The following SLC1A4 variants were observed in gnomAD, a reference collection of about 807,000 sequenced individuals.
The protein encoded by SLC1A4 is neutral amino acid transporter A.
Under a neutral mutation model 37.7 loss-of-function variants are expected in SLC1A4, and 19 were observed. The observed-to-expected ratio is 0.50, with a 90% CI of 0.35 to 0.74. The LOEUF (loss-of-function observed/expected upper bound fraction) is 0.74. SLC1A4 is among the 30% of genes least tolerant of loss of function. SLC1A4 has a pLI of 0.01. For missense variants in SLC1A4, 570 were observed against 712.9 expected (o/e 0.80, Z 2.28); for synonymous variants, 299 against 309.8 (o/e 0.97, Z 0.37).
chr2:64,990,462 G>T (rs926343469), intron 1 of SLC1A4, among the ~76,000 whole-genome samples: 1 of 152,138 alleles, frequency 6.6e-6, no homozygotes, highest in South Asian at 2.1e-4. Context: ...CAGCCGCCCC[G>T]CCTGTTCTTT....
intron 3 of SLC1A4, among the ~76,000 whole-genome samples, chr2:65,005,932 G>A (rs559595157): frequency 7.9e-5 from 12 of 152,198 alleles, no homozygotes; most frequent in Admixed American, 3.9e-4. Context: ...GACCCTGGGA[G>A]GTCAATGCTG....
intron 1 of SLC1A4, among the ~76,000 whole-genome samples, chr2:64,990,433 G>A (rs573739708): frequency 6.6e-6 from 1 of 152,272 alleles, no homozygotes; most frequent in South Asian, 2.1e-4. Context: ...CGTTAGGTGG[G>A]CGTTTGTTAG....
intron 1 of SLC1A4, among the ~76,000 whole-genome samples, chr2:64,995,610 G>T (rs1027680996): frequency 2.0e-5 from 3 of 152,142 alleles, no homozygotes; most frequent in African/African-American, 7.2e-5. Context: ...CCTTGTAGGG[G>T]GTACCAAGAT....
intron 4 of SLC1A4, among the ~76,000 whole-genome samples, chr2:65,012,415 C>G (rs1291426828): frequency 1.3e-5 from 2 of 152,200 alleles, no homozygotes; most frequent in Non-Finnish European, 2.9e-5. Context: ...ACTAGTTTCT[C>G]CTTCCATGCA....
intron 3 of SLC1A4, among the ~76,000 whole-genome samples, chr2:65,008,457 G>A (rs536296706): frequency 1.1e-4 from 16 of 152,116 alleles, no homozygotes; most frequent in Non-Finnish European, 1.9e-4. Flanking sequence ...GGGCAATTTA[G>A]GGAGATCCCA....
chr2:65,016,633 C>T lies in SLC1A4; in HGVS notation c.994C>T (p.Leu332Phe), dbSNP rs895387121. 2.5e-6 allele frequency: 4 copies of T among 1,614,064 alleles called. No individual in the cohort carries two copies. In the Admixed American group the frequency reaches 5.0e-5, roughly 20 times the overall value. ...AAACCCATTCAGATTCCTCCTGGGC[C>T]TCCTCGCCCCATTTGCGACAGCATT... ...RKNPFRFLLG[L>F]LAPFATAFAT... is the part of the protein sequence containing the mutation. Residue 332 changes from leucine to phenylalanine, a missense_variant, in exon 5 of 8, where the codon CTC becomes TTC. Leu to Phe is a conservative substitution (Grantham distance 22). Transcript: ENST00000234256.
rs528681253 is a variant in SLC1A4, at chr2:65,018,457, C to T, written c.1230-88C>T. ...CTATGGTGGGGCGGTTTTTAGTTTC[C>T]AGCCACATTGCAGCTGCATGGTCTG... On this transcript the variant is annotated intron_variant, in intron 6 of 7. Coordinates refer to ENST00000234256, the MANE Select transcript of SLC1A4 (RefSeq NM_003038.5). This position sits in a 1 kb window ranked among gnomAD's most constrained non-coding sequence, Gnocchi z 4.3. 297 of 1,554,182 alleles carry T rather than the reference C, an allele frequency of 1.9e-4. No individual in the cohort carries two copies. The highest frequency in any genetic ancestry group is 1.6e-3 in the Admixed American group (84 of 54,092).
intron 4 of SLC1A4, among the ~76,000 whole-genome samples, chr2:65,016,127 T>G (rs1674118074): frequency 6.6e-6 from 1 of 152,226 alleles, no homozygotes; most frequent in South Asian, 2.1e-4. Context: ...TCGATTTCCT[T>G]GCCTTTCCTC....
rs188909471 is a variant in SLC1A4 at position 64,993,210 on chromosome 2, G to A, written c.527+3040G>A. Among the ~76,000 whole-genome samples, 283 of 152,324 alleles carry A rather than the reference G, an allele frequency of 1.9e-3. 1 individual carries two copies. The highest frequency in any genetic ancestry group is 3.1e-3 in the South Asian group (15 of 4,826). ...AGGCCTCTGATGAGTCAGCATAGCT[G>A]CTGCTGAGGCTTTGTGCTAAAGTCC... is the stretch of plus-strand genomic sequence containing the variant. On this transcript the variant is annotated intron_variant, in intron 1 of 7. Coordinates refer to ENST00000234256, the MANE Select transcript of SLC1A4 (RefSeq NM_003038.5).
chr2:65,001,408 T>G, intron 1 of SLC1A4, 40 bp from the exon 2 acceptor site: 1 of 1,602,918 alleles, frequency 6.2e-7, no homozygotes, highest in Non-Finnish European at 8.5e-7. Flanking sequence ...TAAAAAATTG[T>G]TTTAAAAGAA....
intron 4 of SLC1A4, among the ~76,000 whole-genome samples, chr2:65,012,149 G>C (rs1673947621): frequency 6.7e-6 from 1 of 148,326 alleles, no homozygotes; most frequent in Non-Finnish European, 1.5e-5. Context: ...GAGTGCAGTG[G>C]TGCAATCTCG....
intron 1 of SLC1A4, chr2:64,999,315 CTA>C (rs1171960458): frequency 2.0e-5 from 3 of 152,150 alleles, no homozygotes; most frequent in Non-Finnish European, 1.5e-5. Flanking sequence ...TCTAAATATG[CTA>C]AAAGCAACTC....
intron 7 of SLC1A4, among the ~76,000 whole-genome samples, chr2:65,019,901 A>G (rs2103683142): frequency 6.6e-6 from 1 of 152,300 alleles, no homozygotes; most frequent in East Asian, 1.9e-4. Flanking sequence ...CAGCCACCCC[A>G]TCCCCTCTGA....
At position 64,989,631 on chromosome 2, in the gene SLC1A4, G is replaced by A; in HGVS notation, c.-13G>A. 1.3e-6 allele frequency: 2 copies of A among 1,490,880 alleles called. No homozygotes were observed. Among genetic ancestry groups the A allele is most frequent in the Non-Finnish European group, 8.9e-7 (1 of 1,127,718 alleles). The allele number at this position is 1,490,880 out of a possible 1,614,324, so 92.4% of individuals were successfully genotyped here. On this transcript the variant is annotated 5_prime_UTR_variant, in exon 1 of 8. Transcript: ENST00000234256. ...TCCCCTGCCACCTCTAGCTCGGAGC[G>A]GCGTGTAGCGCCATGGAGAAGAGCA...
At chr2:65,016,387 C>A in intron 4 of SLC1A4, 53 bp from the exon 5 acceptor site, 1 of 1,411,588 alleles carries the variant, frequency 7.1e-7, no homozygotes. Context: ...GGACCTGCAT[C>A]TCTCACCCCA....
chr2:64,992,872 A>G (rs1673110374), intron 1 of SLC1A4, among the ~76,000 whole-genome samples: 1 of 152,210 alleles, frequency 6.6e-6, no homozygotes, highest in African/African-American at 2.4e-5. Context: ...GAAGGAAAGT[A>G]TGTGTGCACC....
intron 4 of SLC1A4, among the ~76,000 whole-genome samples, chr2:65,011,917 G>A (rs914703044): frequency 2.8e-5 from 4 of 144,312 alleles, no homozygotes; most frequent in South Asian, 2.3e-4. Context: ...TACAGGCACC[G>A]GCCACCATGC....
chr2:64,996,518 C>T (rs1673258545), intron 1 of SLC1A4, among the ~76,000 whole-genome samples: 1 of 152,198 alleles, frequency 6.6e-6, no homozygotes, highest in Non-Finnish European at 1.5e-5. Flanking sequence ...ACCATTTGGT[C>T]CTCCTGACTT....
intron 3 of SLC1A4, among the ~76,000 whole-genome samples, chr2:65,005,000 G>A (rs893272624): frequency 5.3e-5 from 8 of 152,170 alleles, no homozygotes; most frequent in African/African-American, 1.7e-4. Context: ...TTCTAAAATG[G>A]CAAATAACAC....
Sources: allele counts gnomAD v4.1 joint callset (sites outside exome capture counted in the v4.1 genomes callset), GRCh38; gene constraint gnomAD v4.1.1; non-coding constraint Gnocchi (gnomAD v3.1); transcripts MANE v1.5; gene names NCBI Gene and HGNC (gene_info 2026-07-23, HGNC 2026-07-21).